The following ABCB7 variants were observed in gnomAD, a reference collection of about 807,000 sequenced individuals.
The protein encoded by ABCB7 is ATP binding cassette subfamily B member 7, also known as iron-sulfur clusters transporter ABCB7, mitochondrial.
A neutral mutation model predicts 54.4 loss-of-function variants in ABCB7; 7 were observed. The ratio of observed to expected loss-of-function variants is 0.13; its 90% CI spans 0.07 to 0.24. The LOEUF is 0.24. Among genes scored for constraint, ABCB7 ranks in the 10% least tolerant of loss-of-function variants. The pLI, the probability that ABCB7 is intolerant of heterozygous loss-of-function variation, is 1.00. For synonymous variants in ABCB7, 218 were observed against 207.1 expected, an observed-to-expected ratio of 1.05 and a Z score of -0.45; for missense variants, 356 against 570.4, an observed-to-expected ratio of 0.62 and a Z score of 3.83.
chrX:75,150,381 C>A (rs754631193), intron 1 of ABCB7, among the ~76,000 whole-genome samples: 2 of 111,045 alleles, frequency 1.8e-5, no homozygotes, highest in East Asian at 5.6e-4. Flanking sequence ...AGGAGAAAAT[C>A]AAAACAACAA....
intron 1 of ABCB7, among the ~76,000 whole-genome samples, chrX:75,137,774 G>A (rs2082021125): frequency 8.9e-6 from 1 of 111,918 alleles, no homozygotes. Flanking sequence ...GACGTAAAGA[G>A]AAAACCAAAT....
At chrX:75,096,542 T>C (rs991973637) in intron 4 of ABCB7, among the ~76,000 whole-genome samples, 5 of 111,751 alleles carry the variant, frequency 4.5e-5, no homozygotes, top group African/African-American at 1.6e-4. Flanking sequence ...TTGTGTTCTT[T>C]TCCTTGGTGA....
intron 8 of ABCB7, among the ~76,000 whole-genome samples, chrX:75,072,531 C>T (rs1379714111): frequency 9.0e-6 from 1 of 111,141 alleles, no homozygotes; most frequent in Non-Finnish European, 1.9e-5. Flanking sequence ...ATTTGTGTAT[C>T]TAAACACAGA....
At chrX:75,070,636 CTCTTA>C in intron 9 of ABCB7, 114 bp from the exon 10 acceptor site, 1 of 737,910 alleles carries the variant, frequency 1.4e-6, no homozygotes, top group Non-Finnish European at 2.1e-6. Context: ...TCAGCAACAA[CTCTTA>C]TGTCAACTCA....
chrX:75,079,222 C>T (rs1052225998), intron 4 of ABCB7, among the ~76,000 whole-genome samples: 3 of 111,659 alleles, frequency 2.7e-5, no homozygotes, highest in Admixed American at 9.5e-5. Context: ...AAGAGTATGG[C>T]GCTACCTCTA....
rs767573185 is a variant in ABCB7, at chrX:75,156,260, C to G, written c.13G>C (p.Ala5Pro). ...GCCGCCCAGCGCCAAGAATGCATCG[C>G]GAGCAGCGCCATCTTGAGCGAGGAA... MALL[A>P]MHSWRWAAAA... The change falls in exon 1 of 16, where the codon GCG becomes CCG. Residue 5 changes from alanine to proline, a missense_variant. Transcript: ENST00000373394. 1.9e-5 allele frequency: 23 copies of G among 1,204,550 alleles called. No individual in the cohort carries two copies. Among genetic ancestry groups the G allele is most frequent in the Non-Finnish European group, 2.2e-5 (20 of 892,270 alleles).
intron 1 of ABCB7, among the ~76,000 whole-genome samples, chrX:75,118,896 T>C (rs1480954421): frequency 9.0e-6 from 1 of 111,239 alleles, no homozygotes; most frequent in African/African-American, 3.3e-5. Context: ...ATGGGACCCT[T>C]AATTTCTGGA....
chrX:75,097,896 CAGACT>C (rs969349611), intron 4 of ABCB7, among the ~76,000 whole-genome samples: 11 of 111,965 alleles, frequency 9.8e-5, no homozygotes, highest in African/African-American at 3.2e-4. Flanking sequence ...CTGAGGCACA[CAGACT>C]AAACAACTTG....
chrX:75,096,366 G>T (rs1404165160), intron 4 of ABCB7, among the ~76,000 whole-genome samples: 1 of 111,841 alleles, frequency 8.9e-6, no homozygotes, highest in Non-Finnish European at 1.9e-5. Context: ...GTACTCAACA[G>T]AGATTACAGA....
At chrX:75,113,083 G>T in intron 2 of ABCB7, 111 bp from the exon 3 acceptor site, 1 of 623,999 alleles carries the variant, frequency 1.6e-6, no homozygotes, top group Non-Finnish European at 2.7e-6. Context: ...AAATTCACAG[G>T]TATAGTATTT....
At chrX:75,104,265 T>C (rs2081669748) in intron 3 of ABCB7, among the ~76,000 whole-genome samples, 1 of 106,438 alleles carries the variant, frequency 9.4e-6, no homozygotes, top group Admixed American at 1.0e-4. Flanking sequence ...GATTGATTCT[T>C]TGAAAAGATA....
rs765317052 is a variant in ABCB7 at position 75,076,592 on chromosome X, C to T, written c.516G>A (p.Ser172=). The T allele has an allele frequency of 5.8e-6, 7 of 1,208,926 alleles. No homozygotes were observed. Among genetic ancestry groups the T allele is most frequent in the East Asian group, 5.9e-5 (2 of 33,718 alleles). Residue 172 remains serine (S), a synonymous_variant, in exon 5 of 16, where the codon TCG becomes TCA. Transcript: ENST00000373394. ...KYAVDSLNQM[S]GNMLNLSDAP... The stretch of plus-strand genomic sequence containing the variant: ...CATCACTCAGGTTCAGCATGTTTCC[C>T]GACATCTGGTTGAGGCTGTCTACAG...
At chrX:75,061,012 T>C (rs2081278626) in intron 14 of ABCB7, among the ~76,000 whole-genome samples, 1 of 111,694 alleles carries the variant, frequency 9.0e-6, no homozygotes, top group African/African-American at 3.3e-5. Flanking sequence ...GATGGGGATA[T>C]ACCCAAATTT....
chrX:75,098,320 A>AG (rs1480731960), intron 4 of ABCB7, among the ~76,000 whole-genome samples: 2 of 109,945 alleles, frequency 1.8e-5, no homozygotes, highest in Admixed American at 1.9e-4. Flanking sequence ...AAAAAAAAAA[A>AG]AAGAAAAAAA....
intron 13 of ABCB7, 73 bp from the exon 14 acceptor site, chrX:75,062,504 TACAACCACCAAGTA>T: frequency 8.0e-6 from 6 of 748,516 alleles, no homozygotes; most frequent in Non-Finnish European, 1.2e-5. Context: ...TTCCATTGAT[TACAACCACCAAGTA>T]ATACACTGAA....
intron 1 of ABCB7, among the ~76,000 whole-genome samples, chrX:75,124,294 T>A (rs6655564): frequency 0.012 from 1,353 of 112,005 alleles, 23 homozygotes; most frequent in African/African-American, 0.042. Flanking sequence ...TACCAAATGT[T>A]CACATCTCTG....
intron 4 of ABCB7, among the ~76,000 whole-genome samples, chrX:75,079,976 C>T (rs1255919913): frequency 8.9e-6 from 1 of 112,001 alleles, no homozygotes; most frequent in East Asian, 2.8e-4. Context: ...TCATATATAA[C>T]CTTTTAGGAT....
At chrX:75,092,179 A>G (rs1357508712) in intron 4 of ABCB7, among the ~76,000 whole-genome samples, 6 of 111,501 alleles carry the variant, frequency 5.4e-5, no homozygotes, top group African/African-American at 1.6e-4. Flanking sequence ...GACTTACTCT[A>G]TGAAGCTACA....
rs778441870 is a variant in ABCB7, at chrX:75,126,990, C to A, written c.169-12159G>T. ...ATTCTACCCGAGGTACAAAGAGGAA[C>A]TGGTACCACTGCTTCTAAAACTATT... On this transcript the variant is annotated intron_variant, in intron 1 of 15. Coordinates refer to ENST00000373394, the MANE Select transcript of ABCB7 (RefSeq NM_001271696.3). 7.2e-4 allele frequency among the ~76,000 whole-genome samples: 80 copies of A among 111,583 alleles called. No homozygotes were observed. The South Asian group carries it at 0.03, about 41-fold the overall frequency.
Sources: gnomAD v4.1 joint callset for allele counts (sites outside exome capture counted in the v4.1 genomes callset) on GRCh38, gnomAD v4.1.1 for gene constraint, MANE v1.5 for transcripts, NCBI Gene and HGNC (gene_info 2026-07-23, HGNC 2026-07-21) for gene names.